Variants in MISFA observed in about 807,000 individuals in gnomAD.
MISFA encodes the protein mitochondrial sheath formation associated.
chr11:18,605,722 G>A, the MISFA span, among the ~76,000 whole-genome samples: 5 of 152,072 alleles, frequency 3.3e-5, no homozygotes, highest in East Asian at 1.9e-4. Flanking sequence ...AGACAGTCTC[G>A]TTCTGTCACC....
chr11:18,606,249 T>C, the MISFA span, among the ~76,000 whole-genome samples: 9 of 152,094 alleles, frequency 5.9e-5, no homozygotes, highest in Non-Finnish European at 5.9e-5. Flanking sequence ...CATGAATGTG[T>C]AAGGGAGAAT....
the MISFA span, chr11:18,600,028 G>A: frequency 2.5e-6 from 1 of 398,744 alleles, no homozygotes; most frequent in East Asian, 3.6e-5. Context: ...TAAATCCCTG[G>A]TGGTCAGTCC....
chr11:18,609,819 C>G, the MISFA span: 2 of 1,580,916 alleles, frequency 1.3e-6, no homozygotes, highest in South Asian at 2.2e-5. Context: ...GAAATCCTTG[C>G]AGCAGAGCAG....
the MISFA span, chr11:18,601,534 G>A: frequency 2.5e-6 from 1 of 395,718 alleles, no homozygotes; most frequent in Non-Finnish European, 4.4e-6. Context: ...TCAGCTTCTT[G>A]GGTAGCTGAT....
the MISFA span, chr11:18,607,702 CTT>C: frequency 6.6e-6 from 1 of 152,256 alleles, no homozygotes; most frequent in African/African-American, 2.4e-5. Context: ...ATTTAAAAGA[CTT>C]AACCTTTTTT....
the MISFA span, among the ~76,000 whole-genome samples, chr11:18,600,212 T>C: frequency 6.6e-6 from 1 of 152,074 alleles, no homozygotes; most frequent in Admixed American, 6.6e-5. Context: ...ATTATTATTA[T>C]TATTTTTTGA....
the MISFA span, chr11:18,608,216 AC>A: frequency 6.6e-6 from 1 of 152,604 alleles, no homozygotes. Context: ...TGATGATGAC[AC>A]CTTTCATGGG....
the MISFA span, among the ~76,000 whole-genome samples, chr11:18,600,651 G>C: frequency 6.6e-6 from 1 of 150,864 alleles, no homozygotes; most frequent in Admixed American, 6.7e-5. Flanking sequence ...CTCCCGAGTA[G>C]CTGGGACTAC....
At chr11:18,600,274 G>T in the MISFA span, among the ~76,000 whole-genome samples, 1 of 151,950 alleles carries the variant, frequency 6.6e-6, no homozygotes. Context: ...CGCGATCTCG[G>T]CTCACTGCAA....
the MISFA span, chr11:18,601,358 A>G: frequency 2.5e-6 from 1 of 397,744 alleles, no homozygotes; most frequent in South Asian, 1.4e-4. Flanking sequence ...ATTAATAACC[A>G]TGTCTCATAG....
the MISFA span, chr11:18,603,675 T>G: frequency 1.3e-5 from 5 of 397,856 alleles, no homozygotes; most frequent in African/African-American, 1.0e-4. Context: ...GGAGGTAACC[T>G]CCCCTGCCAG....
the MISFA span, chr11:18,603,929 T>TTC: frequency 5.6e-6 from 2 of 355,474 alleles, no homozygotes; most frequent in Non-Finnish European, 9.6e-6. Flanking sequence ...TTTTTTTTTT[T>TTC]TTTTTTTTTT....
the MISFA span, among the ~76,000 whole-genome samples, chr11:18,604,158 C>T: frequency 1.3e-5 from 2 of 151,986 alleles, no homozygotes; most frequent in South Asian, 4.1e-4. Flanking sequence ...GATCTCCTGA[C>T]CTCATGATCT....
the MISFA span, chr11:18,603,656 G>T: frequency 2.5e-6 from 1 of 397,742 alleles, no homozygotes; most frequent in South Asian, 1.3e-4. Context: ...CATTAGGTGA[G>T]ACAGAATTGG....
chr11:18,606,287 A>ACC, the MISFA span: 1 of 163,262 alleles, frequency 6.1e-6, no homozygotes, highest in South Asian at 1.7e-4. Context: ...CAATAGGCAA[A>ACC]CCATATCTCT....
the MISFA span, chr11:18,602,931 T>C: frequency 2.1e-5 from 8 of 388,232 alleles, no homozygotes; most frequent in Admixed American, 4.5e-5. Flanking sequence ...AATTGGTGTC[T>C]GAGCTCTGCC....
chr11:18,599,819 T>C, the MISFA span: 2,214 of 395,180 alleles, frequency 5.6e-3, 15 homozygotes, highest in Non-Finnish European at 6.0e-3. Flanking sequence ...CGAACAGACA[T>C]GCGAGACCTC....
the MISFA span, chr11:18,600,948 G>C: frequency 1.3e-5 from 5 of 396,568 alleles, no homozygotes; most frequent in African/African-American, 1.0e-4. Context: ...TGCAGGCCAA[G>C]TGGATCAGTG....
the MISFA span, among the ~76,000 whole-genome samples, chr11:18,605,154 T>A: frequency 6.6e-6 from 1 of 151,910 alleles, no homozygotes; most frequent in African/African-American, 2.4e-5. Context: ...GAGGCAGAAT[T>A]GCTTGAACCC....
Sources: allele counts gnomAD v4.1 joint callset (sites outside exome capture counted in the v4.1 genomes callset), GRCh38; gene constraint gnomAD v4.1.1; transcripts MANE v1.5; gene names NCBI Gene and HGNC (gene_info 2026-07-23, HGNC 2026-07-21).